Variants in SLC6A9 observed in about 807,000 individuals in gnomAD.
The protein encoded by SLC6A9 is sodium- and chloride-dependent glycine transporter 1.
In SLC6A9, 31 loss-of-function variants were observed where a neutral mutation model predicts 70.9. The observed-to-expected ratio is 0.44, with a 90% CI of 0.33 to 0.59. The LOEUF (loss-of-function observed/expected upper bound fraction) is 0.59, where lower values mean the gene tolerates loss of function less well. SLC6A9 is among the 20% of genes least tolerant of loss of function. The pLI, the probability that SLC6A9 is intolerant of heterozygous loss-of-function variation, is 0.04. For missense variants in SLC6A9, 631 were observed against 845.2 expected, an observed-to-expected ratio of 0.75 and a Z score of 3.14; for synonymous variants, 310 against 341.3, an observed-to-expected ratio of 0.91 and a Z score of 1.01.
At chr1:44,003,276 C>T (rs1237234770) in intron 5 of SLC6A9, among the ~76,000 whole-genome samples, 3 of 152,250 alleles carry the variant, frequency 2.0e-5, no homozygotes, top group Non-Finnish European at 2.9e-5. Flanking sequence ...AGTTCCTGGG[C>T]GAGGAGATCT....
chr1:44,017,246 C>G (rs200438478), intron 2 of SLC6A9: 2 of 1,513,270 alleles, frequency 1.3e-6, no homozygotes, highest in South Asian at 2.5e-5. Flanking sequence ...TCTGCCTACC[C>G]GCTCCCCTGG....
At chr1:44,008,290 T>C (rs534609473) in intron 5 of SLC6A9, 63 bp downstream of exon 5, 64 of 1,542,822 alleles carry the variant, frequency 4.1e-5, no homozygotes, top group Non-Finnish European at 5.2e-5. Context: ...CTTCAGATGG[T>C]TGCCCAGTGG....
At chr1:44,027,976 C>CA (rs2087013092) in intron 1 of SLC6A9, among the ~76,000 whole-genome samples, 2 of 152,006 alleles carry the variant, frequency 1.3e-5, no homozygotes, top group South Asian at 2.1e-4. Context: ...ACTCTTATCT[C>CA]AAAAAATAAA....
At chr1:44,010,241 G>GGGGGTGGTGTGCCTCAGCCC in intron 3 of SLC6A9, 145 bp from the exon 4 acceptor site, 2 of 730,730 alleles carry the variant, frequency 2.7e-6, no homozygotes, top group Non-Finnish European at 4.5e-6. Flanking sequence ...AGCCTGGGCT[G>GGGGGTGGTGTGCCTCAGCCC]AGGCACACCA....
chr1:43,998,982 A>AAGG (rs141440577), intron 12 of SLC6A9, among the ~76,000 whole-genome samples: 1 of 134,580 alleles, frequency 7.4e-6, no homozygotes. Flanking sequence ...TGGCGGGGGA[A>AAGG]GGGGGGGGGC....
At position 44,002,748 on chromosome 1, in the gene SLC6A9, C is replaced by T; in HGVS notation, c.724-102G>A. ...CACCAGCCCCCTGGTCCCTCTCCGGCTCCGGAGTCCCTTCAGCATCCCCTC... is the reference window on the plus strand; with the variant it reads ...CACCAGCCCCCTGGTCCCTCTCCGGTTCCGGAGTCCCTTCAGCATCCCCTC... On this transcript the variant is annotated intron_variant, in intron 6 of 13. Coordinates refer to ENST00000372310, the MANE Select transcript of SLC6A9 (RefSeq NM_001024845.3). The surrounding 1 kb of genome is among the most constrained non-coding windows in gnomAD (Gnocchi z 5.5). 2 of 1,591,722 alleles carry T rather than the reference C, an allele frequency of 1.3e-6. No individual in the cohort carries two copies. Among genetic ancestry groups the T allele is most frequent in the Non-Finnish European group, 1.7e-6 (2 of 1,162,296 alleles).
intron 1 of SLC6A9, among the ~76,000 whole-genome samples, chr1:44,028,580 A>G (rs1320776195): frequency 6.6e-6 from 1 of 152,020 alleles, no homozygotes; most frequent in Non-Finnish European, 1.5e-5. Flanking sequence ...ACATGGAGAA[A>G]CCCTGTCTCT....
chr1:44,012,112 GCCT>G (rs972364297), intron 2 of SLC6A9, among the ~76,000 whole-genome samples: 4 of 152,206 alleles, frequency 2.6e-5, no homozygotes, highest in Non-Finnish European at 5.9e-5. Context: ...GAGCCCCGTA[GCCT>G]CAGAGAGATG....
At chr1:44,010,446 G>A (rs1218953815) in intron 3 of SLC6A9, 2 of 285,236 alleles carry the variant, frequency 7.0e-6, no homozygotes, top group South Asian at 4.3e-5. Flanking sequence ...AGAACAGGGA[G>A]CCTTGTGGGC....
intron 2 of SLC6A9, among the ~76,000 whole-genome samples, chr1:44,016,888 G>A (rs2086764023): frequency 6.6e-6 from 1 of 151,894 alleles, no homozygotes; most frequent in Admixed American, 6.6e-5. Context: ...TTGCACAGTT[G>A]CAACTTTCTG....
intron 2 of SLC6A9, among the ~76,000 whole-genome samples, chr1:44,011,340 G>C (rs2086560610): frequency 1.3e-5 from 2 of 152,176 alleles, no homozygotes; most frequent in African/African-American, 4.8e-5. Context: ...ACCAGGCTGA[G>C]CACGCTGCCC....
In SLC6A9 at chr1:44,010,456, CGGGGGGGG is replaced by C. The variant is rs61601279; in HGVS notation, c.187+262_187+269del. The stretch of plus-strand genomic sequence containing the variant: ...GGAATAGAACAGGGAGCCTTGTGGG[CGGGGGGGG>C]GGGGGGGTTAGGTCCTTTTCTCACC... On this transcript the variant is annotated intron_variant, in intron 3 of 13. Transcript: ENST00000372310. 7.3e-5 allele frequency: 4 copies of C among 54,774 alleles called. 1 individual carries two copies. The highest frequency in any genetic ancestry group is 1.6e-4 in the Non-Finnish European group (3 of 18,378). 3.4% of individuals were successfully genotyped at this position (54,774 alleles called of 1,614,324 possible).
In SLC6A9 at chr1:44,001,531, G is replaced by T. The variant is rs200125427; in HGVS notation, c.1059C>A (p.Gly353=). 1 of 1,614,242 alleles carries T rather than the reference G, an allele frequency of 6.2e-7. No homozygotes were observed. The highest frequency in any genetic ancestry group is 8.5e-7 in the Non-Finnish European group (1 of 1,180,036). The change falls in exon 9 of 14, where the codon GGC becomes GGA. Residue 353 remains glycine, a synonymous_variant. Coordinates refer to ENST00000372310, the MANE Select transcript of SLC6A9 (RefSeq NM_001024845.3). ...SILGFMANHL[G]VDVSRVADHG... is the part of the protein sequence containing the mutation. ...GGTCTGCCACACGGGACACATCCAC[G>T]CCCAGGTGATTGGCCATGAAGCCGA...
intron 1 of SLC6A9, among the ~76,000 whole-genome samples, chr1:44,025,605 T>G (rs2086968891): frequency 6.6e-6 from 1 of 151,548 alleles, no homozygotes; most frequent in Non-Finnish European, 1.5e-5. Context: ...TTTGAGACCA[T>G]CCTGGCCAAC....
At chr1:44,015,342 T>A (rs1163662236) in intron 2 of SLC6A9, among the ~76,000 whole-genome samples, 1 of 152,118 alleles carries the variant, frequency 6.6e-6, no homozygotes, top group East Asian at 1.9e-4. Context: ...TTTTGTGAAT[T>A]GTGAGCTTCC....
At chr1:44,004,836 G>A (rs867303059) in intron 5 of SLC6A9, among the ~76,000 whole-genome samples, 8 of 152,186 alleles carry the variant, frequency 5.3e-5, no homozygotes, top group Admixed American at 2.0e-4. Context: ...GGAACCCAAC[G>A]TATTTACAAG....
chr1:44,008,873 C>T (rs2086428438), intron 4 of SLC6A9, among the ~76,000 whole-genome samples: 1 of 151,090 alleles, frequency 6.6e-6, no homozygotes, highest in Non-Finnish European at 1.5e-5. Context: ...GCGCCCACCA[C>T]CACGCCTGGC....
At chr1:43,998,985 G>A (rs950844522) in intron 12 of SLC6A9, among the ~76,000 whole-genome samples, 31 of 151,448 alleles carry the variant, frequency 2.0e-4, no homozygotes, top group African/African-American at 7.0e-4. Context: ...CGGGGGAAGG[G>A]GGGGGGCAGT....
At chr1:43,998,620 C>G (rs1446071832) in intron 12 of SLC6A9, among the ~76,000 whole-genome samples, 1 of 152,194 alleles carries the variant, frequency 6.6e-6, no homozygotes, top group African/African-American at 2.4e-5. Context: ...CTTGGTTTAA[C>G]GTTCCCATAG....
Sources: allele counts gnomAD v4.1 joint callset (sites outside exome capture counted in the v4.1 genomes callset), GRCh38; gene constraint gnomAD v4.1.1; non-coding constraint Gnocchi (gnomAD v3.1); transcripts MANE v1.5; gene names NCBI Gene and HGNC (gene_info 2026-07-23, HGNC 2026-07-21).